Variants in HSD11B2 observed in about 807,000 individuals in gnomAD.
HSD11B2 encodes the protein hydroxysteroid 11-beta dehydrogenase 2.
In HSD11B2, 17 loss-of-function variants were observed where a neutral mutation model predicts 20.9. That is an observed-to-expected ratio of 0.81 (90% CI 0.56 to 1.22). The LOEUF (loss-of-function observed/expected upper bound fraction) is 1.22, where lower values mean the gene tolerates loss of function less well. Ranked by LOEUF, HSD11B2 falls within the 50% of genes most tolerant of loss-of-function variation. The pLI is 0.00. For synonymous variants in HSD11B2, 253 were observed against 255.4 expected (o/e 0.99, Z 0.09); for missense variants, 480 against 563.6 (o/e 0.85, Z 1.50).
intron 1 of HSD11B2, among the ~76,000 whole-genome samples, chr16:67,431,759 CGAGAAG>C (rs1306789605): frequency 6.6e-6 from 1 of 152,098 alleles, no homozygotes; most frequent in East Asian, 1.9e-4. Context: ...TGGGCCGGTT[CGAGAAG>C]GAAACTGACT....
chr16:67,432,353 C>G (rs2040940370), intron 1 of HSD11B2, among the ~76,000 whole-genome samples: 2 of 151,988 alleles, frequency 1.3e-5, no homozygotes, highest in Non-Finnish European at 1.5e-5. Flanking sequence ...GCAGCCTGGT[C>G]TCTCGCCAAT....
chr16:67,436,070 G>C lies in HSD11B2; in HGVS notation c.592G>C (p.Glu198Gln), dbSNP rs764141451. The change falls in exon 3 of 5, where the codon GAG (glutamate) becomes CAG (glutamine). Residue 198 changes from glutamate to glutamine, a missense_variant. Coordinates refer to ENST00000326152, the MANE Select transcript of HSD11B2 (RefSeq NM_000196.4). This position sits in a 1 kb window ranked among gnomAD's most constrained non-coding sequence, Gnocchi z 5.7. ...GGAGGTGAATTTCTTTGGCGCGCTC[G>C]AGCTGACCAAGGGCCTCCTGCCCCT... is the stretch of plus-strand genomic sequence containing the variant. Reference protein sequence around the residue: ...CMEVNFFGALELTKGLLPLLR... With the variant: ...CMEVNFFGALQLTKGLLPLLR... 2 of 1,614,072 alleles carry C rather than the reference G, an allele frequency of 1.2e-6. No individual in the cohort carries two copies. The highest frequency in any genetic ancestry group is 1.7e-6 in the Non-Finnish European group (2 of 1,180,050).
intron 1 of HSD11B2, among the ~76,000 whole-genome samples, chr16:67,433,940 G>C (rs72650114): frequency 6.6e-6 from 1 of 151,818 alleles, no homozygotes; most frequent in South Asian, 2.1e-4. Context: ...AGGGCCAGGG[G>C]TGGGAGCAGG....
chr16:67,431,188 T>C lies in HSD11B2; in HGVS notation c.-61T>C. 1.0e-6 allele frequency: 1 copy of C among 988,608 alleles called. No homozygotes were observed. Among genetic ancestry groups the C allele is most frequent in the Non-Finnish European group, 1.3e-6 (1 of 799,238 alleles). 61.2% of individuals were successfully genotyped at this position (988,608 alleles called of 1,614,324 possible). A position where few individuals can be genotyped will look rare whatever the true frequency, so the allele number is the denominator to read the frequency against. On this transcript the variant is annotated 5_prime_UTR_variant, in exon 1 of 5. Transcript: ENST00000326152. ...GCACTCCGCGCCCCGGCCTAGAAGCTCTCTCTCCCCGCTCCCCGGCCCGGC... is the reference window on the plus strand; with the variant it reads ...GCACTCCGCGCCCCGGCCTAGAAGCCCTCTCTCCCCGCTCCCCGGCCCGGC...
rs1296807727 is a variant in HSD11B2 at position 67,431,417 on chromosome 16, G to T, written c.169G>T (p.Ala57Ser). The T allele has an allele frequency of 1.6e-6, 2 of 1,288,258 alleles. No individual in the cohort carries two copies. The highest frequency in any genetic ancestry group is 1.6e-5 in the African/African-American group (1 of 63,886). 79.8% of individuals were successfully genotyped at this position (1,288,258 alleles called of 1,614,324 possible). Residue 57 changes from alanine to serine, a missense_variant, in exon 1 of 5, where the codon GCA becomes TCA. Coordinates refer to ENST00000326152, the MANE Select transcript of HSD11B2 (RefSeq NM_000196.4). ...LCQRLLPPPA[A>S]LAVLAAAGWI... ...CCAGCGCCTGCTGCCCCCGCCGGCC[G>T]CACTCGCCGTGCTGGCCGCCGCCGG... is the stretch of plus-strand genomic sequence containing the variant.
Position 67,431,199 on chromosome 16 carries a change from G to A in HSD11B2, c.-50G>A. On this transcript the variant is annotated 5_prime_UTR_variant, in exon 1 of 5. Coordinates refer to ENST00000326152, the MANE Select transcript of HSD11B2 (RefSeq NM_000196.4). ...CCCGGCCTAGAAGCTCTCTCTCCCCGCTCCCCGGCCCGGCCCCCGCCCCGC... is the reference window on the plus strand; with the variant it reads ...CCCGGCCTAGAAGCTCTCTCTCCCCACTCCCCGGCCCGGCCCCCGCCCCGC... 2 of 1,081,394 alleles carry A rather than the reference G, an allele frequency of 1.8e-6. No individual in the cohort carries two copies. The highest frequency in any genetic ancestry group is 1.7e-5 in the African/African-American group (1 of 59,678). The allele number at this position is 1,081,394 out of a possible 1,614,324, so 67.0% of individuals were successfully genotyped here.
chr16:67,436,425 T>C lies in HSD11B2; in HGVS notation c.802+39T>C, dbSNP rs1247661095. 2.9e-6 allele frequency: 2 copies of C among 678,444 alleles called. No homozygotes were observed. The highest frequency in any genetic ancestry group is 4.8e-6 in the Non-Finnish European group (2 of 419,230). 42.0% of individuals were successfully genotyped at this position (678,444 alleles called of 1,614,324 possible). On this transcript the variant is annotated intron_variant, in intron 4 of 4. Coordinates refer to ENST00000326152, the MANE Select transcript of HSD11B2 (RefSeq NM_000196.4). This position sits in a 1 kb window ranked among gnomAD's most constrained non-coding sequence, Gnocchi z 5.7. The stretch of plus-strand genomic sequence containing the variant: ...CTGGGGGTGGGGTGGGGGTGGGGAA[T>C]GGGGCTGGGAATGGTCTTATGGGGG...
Position 67,437,085 on chromosome 16 carries a change from A to C in HSD11B2, c.*82A>C, listed in dbSNP as rs1471045654. ...TTCCTCCCCGAAAACCCCCAGCATT[A>C]CGATCCCCCAAGTGTCCTGGACCCT... On this transcript the variant is annotated 3_prime_UTR_variant, in exon 5 of 5. Coordinates refer to ENST00000326152, the MANE Select transcript of HSD11B2 (RefSeq NM_000196.4). 19 of 1,395,908 alleles carry C rather than the reference A, an allele frequency of 1.4e-5. No homozygotes were observed. Among genetic ancestry groups the C allele is most frequent in the Non-Finnish European group, 1.9e-5 (19 of 1,019,492 alleles). The allele number at this position is 1,395,908 out of a possible 1,614,324, so 86.5% of individuals were successfully genotyped here. A position where few individuals can be genotyped will look rare whatever the true frequency, so the allele number is the denominator to read the frequency against.
upstream of HSD11B2, chr16:67,430,694 C>A: frequency 1.3e-5 from 2 of 153,530 alleles, no homozygotes; most frequent in South Asian, 3.7e-4. This position sits in a 1 kb window ranked among gnomAD's most constrained non-coding sequence, Gnocchi z 5.4. Flanking sequence ...TCGCGGTGTT[C>A]CTGCAGGCTT....
At position 67,437,068 on chromosome 16, in the gene HSD11B2, C is replaced by T. The variant is rs531887976; in HGVS notation, c.*65C>T. On this transcript the variant is annotated 3_prime_UTR_variant, in exon 5 of 5. Coordinates refer to ENST00000326152, the MANE Select transcript of HSD11B2 (RefSeq NM_000196.4). ...GCTCCGTGAGCCCTTGGTTCCTCCC[C>T]GAAAACCCCCAGCATTACGATCCCC... 1,033 of 1,504,636 alleles carry T rather than the reference C, an allele frequency of 6.9e-4. No homozygotes were observed. Among genetic ancestry groups the T allele is most frequent in the Non-Finnish European group, 8.7e-4 (959 of 1,105,678 alleles). 93.2% of individuals were successfully genotyped at this position (1,504,636 alleles called of 1,614,324 possible).
chr16:67,431,200 C>T lies in HSD11B2; in HGVS notation c.-49C>T. On this transcript the variant is annotated 5_prime_UTR_variant, in exon 1 of 5. Coordinates refer to ENST00000326152, the MANE Select transcript of HSD11B2 (RefSeq NM_000196.4). ...CCGGCCTAGAAGCTCTCTCTCCCCG[C>T]TCCCCGGCCCGGCCCCCGCCCCGCC... The T allele has an allele frequency of 1.8e-6, 2 of 1,081,348 alleles. No individual in the cohort carries two copies. Among genetic ancestry groups the T allele is most frequent in the Non-Finnish European group, 2.3e-6 (2 of 876,148 alleles). 67.0% of individuals were successfully genotyped at this position (1,081,348 alleles called of 1,614,324 possible). A position where few individuals can be genotyped will look rare whatever the true frequency, so the allele number is the denominator to read the frequency against.
Position 67,437,350 on chromosome 16 carries a change from T to C in HSD11B2, c.*347T>C. On this transcript the variant is annotated 3_prime_UTR_variant, in exon 5 of 5. Transcript: ENST00000326152. ...GATAGTGCCTCTGCAAACTAAGGAGTGACTAGGTGGGTTGGGGACCCCCTC... is the reference window on the plus strand; with the variant it reads ...GATAGTGCCTCTGCAAACTAAGGAGCGACTAGGTGGGTTGGGGACCCCCTC... 2.6e-6 allele frequency: 1 copy of C among 387,588 alleles called. No homozygotes were observed. The highest frequency in any genetic ancestry group is 4.7e-6 in the Non-Finnish European group (1 of 211,666). 24.0% of individuals were successfully genotyped at this position (387,588 alleles called of 1,614,324 possible).
chr16:67,433,655 C>T (rs1212924956), intron 1 of HSD11B2, among the ~76,000 whole-genome samples: 1 of 151,030 alleles, frequency 6.6e-6, no homozygotes, highest in Non-Finnish European at 1.5e-5. Context: ...CTGAGGGGGA[C>T]CCGGACAAGT....
intron 1 of HSD11B2, among the ~76,000 whole-genome samples, chr16:67,433,687 T>TACAC (rs759945497): frequency 0.031 from 4,204 of 133,868 alleles, 68 homozygotes; most frequent in East Asian, 0.042. Context: ...TGTGTGTGTC[T>TACAC]ACACACACAC....
intron 1 of HSD11B2, 107 bp downstream of exon 1, chr16:67,431,620 C>G: frequency 8.9e-7 from 1 of 1,117,324 alleles, no homozygotes; most frequent in Non-Finnish European, 1.1e-6. Flanking sequence ...CTCCTCAGCG[C>G]AAGAGTGGGA....
At chr16:67,431,559 G>A in intron 1 of HSD11B2, 46 bp downstream of exon 1, 1 of 1,306,288 alleles carries the variant, frequency 7.7e-7, no homozygotes. Flanking sequence ...GCTCGAGGGC[G>A]GGACTGGACA....
At chr16:67,434,623 C>A (rs1168182783) in intron 1 of HSD11B2, among the ~76,000 whole-genome samples, 1 of 152,178 alleles carries the variant, frequency 6.6e-6, no homozygotes, top group African/African-American at 2.4e-5. Context: ...TGGCTTGTAT[C>A]TTCAATCCCA....
chr16:67,433,975 C>A (rs899694449), intron 1 of HSD11B2, among the ~76,000 whole-genome samples: 1 of 152,154 alleles, frequency 6.6e-6, no homozygotes, highest in Non-Finnish European at 1.5e-5. Context: ...CCTCCCTGCT[C>A]ACTGGCCTTT....
In HSD11B2 at chr16:67,436,450, GC is replaced by G. The variant is rs1288815147; in HGVS notation, c.802+65del. Reference sequence around the variant, plus strand: ...TGGGGCTGGGAATGGTCTTATGGGGGCAGGTCAGGTTTGATGAATGGTCATG... The same window carrying G: ...TGGGGCTGGGAATGGTCTTATGGGGGAGGTCAGGTTTGATGAATGGTCATG... On this transcript the variant is annotated intron_variant, in intron 4 of 4. Transcript: ENST00000326152. The surrounding 1 kb of genome is among the most constrained non-coding windows in gnomAD (Gnocchi z 5.7). 3 of 1,534,296 alleles carry G rather than the reference GC, an allele frequency of 2.0e-6. No homozygotes were observed. The highest frequency in any genetic ancestry group is 2.6e-6 in the Non-Finnish European group (3 of 1,132,716).
Sources: gnomAD v4.1 joint callset for allele counts (sites outside exome capture counted in the v4.1 genomes callset) on GRCh38, gnomAD v4.1.1 for gene constraint, Gnocchi (gnomAD v3.1) non-coding constraint, MANE v1.5 for transcripts, NCBI Gene and HGNC (gene_info 2026-07-23, HGNC 2026-07-21) for gene names.